Variants in ANO1 observed in about 807,000 individuals in gnomAD.
The protein encoded by ANO1 is anoctamin 1.
ANO1 carries 59 observed loss-of-function variants against 124.0 expected under a neutral mutation model. The ratio of observed to expected loss-of-function variants is 0.48; its 90% confidence interval spans 0.39 to 0.59. ANO1 has a LOEUF of 0.59. Among genes scored for constraint, ANO1 ranks in the 20% least tolerant of loss-of-function variants. The probability of loss-of-function intolerance (pLI) is 0.00; values close to 1 mark genes in which losing one functional copy is unlikely to be tolerated. For missense variants in ANO1, 1,059 were observed against 1,328.0 expected (o/e 0.80, Z 3.15); for synonymous variants, 529 against 532.0 (o/e 0.99, Z 0.08).
At chr11:69,979,061 G>A in the ANO1 span, among the ~76,000 whole-genome samples, 1 of 152,130 alleles carries the variant, frequency 6.6e-6, no homozygotes, top group Non-Finnish European at 1.5e-5. Flanking sequence ...ATGGTAAACA[G>A]GCCTCTAGAT....
chr11:70,036,423 G>A (rs991939888), intron 1 of ANO1, among the ~76,000 whole-genome samples: 18 of 152,036 alleles, frequency 1.2e-4, no homozygotes, highest in African/African-American at 3.4e-4. Context: ...ATAAGTTCAC[G>A]GTCACAGGTT....
rs2048292360 is a variant in ANO1, at chr11:70,167,288, C to T, written c.2098C>T (p.Pro700Ser). The change falls in exon 21 of 26, where the codon CCC becomes TCC. Residue 700 changes from proline (P) to serine (S), a missense_variant. Physicochemically the swap from Pro to Ser is moderately conservative, Grantham distance 74. Coordinates refer to ENST00000355303, the MANE Select transcript of ANO1 (RefSeq NM_018043.7). ...IRYLKLKQQS[P>S]PDHEECVKRK... ...CTACCTGAAGCTGAAGCAGCAGAGC[C>T]CCCCTGACCACGAGGAGTGTGTGAA... The T allele has an allele frequency of 1.2e-6, 2 of 1,613,878 alleles. No individual in the cohort carries two copies. The highest frequency in any genetic ancestry group is 3.3e-5 in the Admixed American group (2 of 59,994).
chr11:70,058,067 G>C (rs1487872230), intron 1 of ANO1, among the ~76,000 whole-genome samples: 1 of 152,128 alleles, frequency 6.6e-6, no homozygotes, highest in Non-Finnish European at 1.5e-5. Flanking sequence ...GGGTGATATT[G>C]TGGGGTTGTT....
At chr11:70,119,974 T>A (rs914457218) in intron 8 of ANO1, among the ~76,000 whole-genome samples, 3 of 152,020 alleles carry the variant, frequency 2.0e-5, no homozygotes, top group African/African-American at 7.3e-5. Flanking sequence ...AACTCAGAGC[T>A]GCAGGGAACT....
intron 1 of ANO1, among the ~76,000 whole-genome samples, chr11:69,988,254 C>T (rs143222604): frequency 3.3e-5 from 5 of 152,258 alleles, no homozygotes; most frequent in African/African-American, 4.8e-5. Flanking sequence ...TTCCTGCCAC[C>T]GGCACCCAGA....
Position 70,161,179 on chromosome 11 carries a change from A to G in ANO1, c.1597A>G (p.Ile533Val). The G allele has an allele frequency of 6.2e-7, 1 of 1,613,778 alleles. No individual in the cohort carries two copies. Among genetic ancestry groups the G allele is most frequent in the Non-Finnish European group, 8.5e-7 (1 of 1,179,864 alleles). ...CCTGCAGATTGCAGTGACGTTTGCC[A>G]TCGTCCTCGGCGTCATCATCTACAG... ...IIFMIAVTFA[I>V]VLGVIIYRIS... Residue 533 changes from isoleucine (I) to valine (V), a missense_variant, in exon 17 of 26, where the codon ATC becomes GTC. Physicochemically the swap from Ile to Val is conservative, Grantham distance 29. Transcript: ENST00000355303.
Position 70,094,031 on chromosome 11 carries a change from G to T in ANO1, c.441+5947G>T, listed in dbSNP as rs961351669. Among the ~76,000 whole-genome samples the T allele has an allele frequency of 2.6e-5, 4 of 152,318 alleles. No homozygotes were observed. The South Asian group carries it at 8.3e-4, about 32-fold the overall frequency. Reference sequence around the variant, plus strand: ...AGTTGATAGTGTGACCTTCCTTGTGGAGTGGTGGGTGAGGGTCAAGAGAGT... The same window carrying T: ...AGTTGATAGTGTGACCTTCCTTGTGTAGTGGTGGGTGAGGGTCAAGAGAGT... On this transcript the variant is annotated intron_variant, in intron 2 of 25. Transcript: ENST00000355303.
chr11:69,971,080 G>C, the ANO1 span, among the ~76,000 whole-genome samples: 17 of 152,296 alleles, frequency 1.1e-4, no homozygotes, highest in Non-Finnish European at 1.8e-4. Flanking sequence ...TGAGAAAAAG[G>C]CCAAGAATAA....
chr11:70,137,033 T>C (rs2046979200), intron 11 of ANO1, among the ~76,000 whole-genome samples: 1 of 147,134 alleles, frequency 6.8e-6, no homozygotes, highest in East Asian at 2.0e-4. Context: ...CTGCAGAGCA[T>C]TGGGAGGTGA....
chr11:69,975,724 C>T, the ANO1 span, among the ~76,000 whole-genome samples: 3 of 152,236 alleles, frequency 2.0e-5, no homozygotes, highest in Admixed American at 2.0e-4. Context: ...ACAAAGCAGC[C>T]CCCTGGTCTT....
intron 2 of ANO1, among the ~76,000 whole-genome samples, chr11:70,099,203 G>A (rs1057280261): frequency 2.0e-5 from 3 of 152,214 alleles, no homozygotes; most frequent in African/African-American, 7.2e-5. Flanking sequence ...TGGGGGCGAA[G>A]GGGACACGGC....
chr11:70,143,712 T>A (rs2047243726), intron 11 of ANO1, among the ~76,000 whole-genome samples: 2 of 152,276 alleles, frequency 1.3e-5, no homozygotes, highest in South Asian at 4.1e-4. Flanking sequence ...CCGCCACAGG[T>A]AACCACACAT....
chr11:70,057,595 G>T (rs1436944388), intron 1 of ANO1, among the ~76,000 whole-genome samples: 1 of 152,128 alleles, frequency 6.6e-6, no homozygotes, highest in African/African-American at 2.4e-5. Context: ...ACAGTTAAAG[G>T]GGGTTTTCTC....
chr11:70,121,282 C>CTCTG (rs961178535), intron 8 of ANO1, among the ~76,000 whole-genome samples: 2 of 150,760 alleles, frequency 1.3e-5, no homozygotes, highest in Non-Finnish European at 3.0e-5. Context: ...CCCCATGTCT[C>CTCTG]TCTGTCTGTC....
intron 1 of ANO1, among the ~76,000 whole-genome samples, chr11:70,069,046 C>T (rs945406287): frequency 1.3e-5 from 2 of 152,254 alleles, no homozygotes; most frequent in Admixed American, 6.5e-5. Flanking sequence ...GAATATCCCC[C>T]TCCACAGGGT....
intron 1 of ANO1, chr11:70,056,408 T>C (rs1467605104): frequency 6.6e-6 from 1 of 152,132 alleles, no homozygotes; most frequent in Non-Finnish European, 1.5e-5. Context: ...CTTTTGAAAA[T>C]AGATGTCTTT....
chr11:70,050,291 A>G (rs1291584922), intron 1 of ANO1, among the ~76,000 whole-genome samples: 3 of 152,162 alleles, frequency 2.0e-5, no homozygotes, highest in African/African-American at 4.8e-5. Context: ...AATTTCGGTG[A>G]CTATTGACAC....
chr11:70,013,587 T>C (rs978871363), intron 1 of ANO1, among the ~76,000 whole-genome samples: 1 of 151,826 alleles, frequency 6.6e-6, no homozygotes, highest in Non-Finnish European at 1.5e-5. Context: ...GAGACCAGCC[T>C]GGCCAACATG....
chr11:70,118,822 ATGATGGGTGGGTGTGTGGATGGGTGGC>A (rs1353986290), intron 8 of ANO1, among the ~76,000 whole-genome samples: 2 of 150,770 alleles, frequency 1.3e-5, no homozygotes, highest in Non-Finnish European at 3.0e-5. Flanking sequence ...TGAATGGTGG[ATGATGGGTGGGTGTGTGGATGGGTGGC>A]TGATGGAAGG....
Sources: allele counts gnomAD v4.1 joint callset (sites outside exome capture counted in the v4.1 genomes callset), GRCh38; gene constraint gnomAD v4.1.1; transcripts MANE v1.5; gene names NCBI Gene and HGNC (gene_info 2026-07-23, HGNC 2026-07-21).